DNAJC2: variants seen among roughly 807,000 people sequenced by gnomAD.
DNAJC2 encodes dnaJ homolog subfamily C member 2.
DNAJC2 carries 32 observed loss-of-function variants against 94.0 expected under a neutral mutation model. That is an observed-to-expected ratio of 0.34 (90% CI 0.26 to 0.46). DNAJC2 has a LOEUF of 0.46. Ranked by LOEUF, DNAJC2 falls within the 20% of genes least tolerant of loss-of-function variation. The pLI is 1.00. For synonymous variants in DNAJC2, 210 were observed against 229.7 expected (o/e 0.91, Z 0.77); for missense variants, 550 against 719.5 (o/e 0.76, Z 2.69).
At chr7:103,331,223 G>A (rs1430525899) in intron 3 of DNAJC2, among the ~76,000 whole-genome samples, 3 of 152,206 alleles carry the variant, frequency 2.0e-5, no homozygotes, top group Non-Finnish European at 2.9e-5. Flanking sequence ...CTCCCAAAGC[G>A]CTGGGATTAC....
chr7:103,326,135 C>T (rs1341688735), intron 5 of DNAJC2, among the ~76,000 whole-genome samples: 3 of 151,932 alleles, frequency 2.0e-5, no homozygotes, highest in Admixed American at 6.6e-5. Flanking sequence ...TGCACCTCCA[C>T]GGCCAGCTAA....
rs557018963 is a variant in DNAJC2 at position 103,319,814 on chromosome 7, C to G, written c.1114G>C (p.Glu372Gln). 2 of 1,614,204 alleles carry G rather than the reference C, an allele frequency of 1.2e-6. No individual in the cohort carries two copies. Among genetic ancestry groups the G allele is most frequent in the South Asian group, 2.2e-5 (2 of 91,084 alleles). Residue 372 changes from glutamate to glutamine, a missense_variant, in exon 11 of 17, where the codon GAG becomes CAG. Transcript: ENST00000379263. The stretch of plus-strand genomic sequence containing the variant: ...ACTTCTTCCATCATTTTAACCCGCT[C>G]TGCCTCATTATCAGAAAAATGATTC... ...TWNHFSDNEA[E>Q]RVKMMEEVEK...
At chr7:103,316,193 G>A (rs773321475) in intron 13 of DNAJC2, 105 bp from the exon 14 acceptor site, 180 of 608,302 alleles carry the variant, frequency 3.0e-4, no homozygotes, top group Non-Finnish European at 4.2e-4. Flanking sequence ...AGTATGTACA[G>A]AATGAGCTCA....
chr7:103,337,837 C>A (rs1179775010), intron 2 of DNAJC2, 26 bp from the exon 3 acceptor site: 19 of 1,580,640 alleles, frequency 1.2e-5, no homozygotes, highest in Non-Finnish European at 1.6e-5. Flanking sequence ...AAAAGGGAGT[C>A]AAATTTGAAA....
intron 1 of DNAJC2, among the ~76,000 whole-genome samples, chr7:103,343,562 C>T (rs1015674036): frequency 6.6e-6 from 1 of 152,194 alleles, no homozygotes; most frequent in African/African-American, 2.4e-5. Context: ...TTATCTCATT[C>T]AGTTCCTAGG....
rs188631946 is a variant in DNAJC2 at position 103,337,855 on chromosome 7, A to G, written c.256-44T>C. 96 of 1,399,866 alleles carry G rather than the reference A, an allele frequency of 6.9e-5. No homozygotes were observed. In the East Asian group the frequency reaches 2.1e-3, roughly 31 times the overall value. 86.7% of individuals were successfully genotyped at this position (1,399,866 alleles called of 1,614,324 possible). A position where few individuals can be genotyped will look rare whatever the true frequency, so the allele number is the denominator to read the frequency against. ...AGGGAGTCAAATTTGAAATGAAGCCAATATATTCCATCCCTTGTGTTCTGG... is the reference window on the plus strand; with the variant it reads ...AGGGAGTCAAATTTGAAATGAAGCCGATATATTCCATCCCTTGTGTTCTGG... On this transcript the variant is annotated intron_variant, in intron 2 of 16. Transcript: ENST00000379263.
At chr7:103,314,007 T>C (rs561765830) in intron 15 of DNAJC2, 2 of 985,364 alleles carry the variant, frequency 2.0e-6, no homozygotes, top group East Asian at 1.1e-4. Flanking sequence ...CCAAAGTTCC[T>C]TCCCAATTAA....
Position 103,317,020 on chromosome 7 carries a change from C to A in DNAJC2, c.1243-6G>T, listed in dbSNP as rs1211600179. 4 of 1,611,084 alleles carry A rather than the reference C, an allele frequency of 2.5e-6. No homozygotes were observed. The South Asian group carries it at 4.4e-5, about 18-fold the overall frequency. On this transcript the variant is annotated splice_polypyrimidine_tract_variant and splice_region_variant and intron_variant, in intron 12 of 16. Coordinates refer to ENST00000379263, the MANE Select transcript of DNAJC2 (RefSeq NM_014377.3). ...TGCTCATTTATTTCTTCTATCTGCACAAATATCATAAGTCAGGGACTTAGA... is the reference window on the plus strand; with the variant it reads ...TGCTCATTTATTTCTTCTATCTGCAAAAATATCATAAGTCAGGGACTTAGA...
In DNAJC2 at chr7:103,323,637, A is replaced by T. The variant is rs1302120393; in HGVS notation, c.680T>A (p.Phe227Tyr). 6.9e-7 allele frequency: 1 copy of T among 1,456,302 alleles called. No homozygotes were observed. The highest frequency in any genetic ancestry group is 9.4e-7 in the Non-Finnish European group (1 of 1,067,134). 90.2% of individuals were successfully genotyped at this position (1,456,302 alleles called of 1,614,324 possible). The change falls in exon 7 of 17, where the codon TTT (phenylalanine) becomes TAT (tyrosine). Residue 227 changes from phenylalanine (F) to tyrosine (Y), a missense_variant. Physicochemically the swap from Phe to Tyr is conservative, Grantham distance 22 (BLOSUM62 3). Around this residue, in one of 2 missense-constraint regions of DNAJC2, gnomAD observed 279 missense variants for 416.9 expected, o/e 0.67. Transcript: ENST00000379263. ...TTTTTCTTCTTCATCTAAATAAGAA[A>T]ATTCTCTCCAAGAATCAAAATTATA... The part of the protein sequence containing the change: ...FWYNFDSWRE[F>Y]SYLDEEEKEK...
intron 5 of DNAJC2, 34 bp from the exon 6 acceptor site, chr7:103,324,596 T>G: frequency 7.1e-7 from 1 of 1,409,650 alleles, no homozygotes. Context: ...TTACAATTCT[T>G]CAAAAATTAT....
chr7:103,330,513 C>T (rs1258981458), intron 3 of DNAJC2, among the ~76,000 whole-genome samples: 1 of 152,106 alleles, frequency 6.6e-6, no homozygotes, highest in Non-Finnish European at 1.5e-5. Context: ...AGTGCAGTGG[C>T]ACAGTCTCAG....
At chr7:103,343,278 G>A (rs1438783413) in intron 1 of DNAJC2, among the ~76,000 whole-genome samples, 1 of 152,176 alleles carries the variant, frequency 6.6e-6, no homozygotes, top group Non-Finnish European at 1.5e-5. Context: ...TGGGATTATA[G>A]ACGTGAGCCA....
At position 103,322,619 on chromosome 7, in the gene DNAJC2, G is replaced by A; in HGVS notation, c.825C>T (p.Ser275=). The change falls in exon 9 of 17, where the codon AGC becomes AGT. Residue 275 remains serine, a synonymous_variant. Coordinates refer to ENST00000379263, the MANE Select transcript of DNAJC2 (RefSeq NM_014377.3). ...TGAACTTTTTTATCCTTGGATCACAGCTGTATGCATTGTCTAGCAAAAGAA... is the reference window on the plus strand; with the variant it reads ...TGAACTTTTTTATCCTTGGATCACAACTGTATGCATTGTCTAGCAAAAGAA... The part of the protein sequence containing the change: ...RIRTLVDNAY[S]CDPRIKKFKE... The A allele has an allele frequency of 6.2e-7, 1 of 1,612,968 alleles. No homozygotes were observed. Among genetic ancestry groups the A allele is most frequent in the Non-Finnish European group, 8.5e-7 (1 of 1,179,686 alleles).
chr7:103,314,454 T>C (rs1441971962), intron 15 of DNAJC2: 2 of 985,182 alleles, frequency 2.0e-6, no homozygotes, highest in Non-Finnish European at 2.4e-6. Flanking sequence ...CTTCACAGGG[T>C]CACCTCTCCT....
Position 103,312,496 on chromosome 7 carries a change from G to A in DNAJC2, c.*73C>T. On this transcript the variant is annotated 3_prime_UTR_variant, in exon 17 of 17. Transcript: ENST00000379263. ...GCATACTTTCAAATTATTACCATGA[G>A]TATAATTTTAAGAATGAAAATGTTT... The A allele has an allele frequency of 8.3e-6, 13 of 1,574,426 alleles. No individual in the cohort carries two copies. The highest frequency in any genetic ancestry group is 1.1e-5 in the Non-Finnish European group (13 of 1,163,574).
intron 3 of DNAJC2, among the ~76,000 whole-genome samples, chr7:103,333,638 C>T (rs1434993123): frequency 6.6e-6 from 1 of 152,142 alleles, no homozygotes; most frequent in African/African-American, 2.4e-5. Context: ...CCAAAAAGTT[C>T]CCTTGTACCC....
At chr7:103,315,909 C>T (rs1033877343) in intron 14 of DNAJC2, 38 bp from the exon 15 acceptor site, 2 of 1,540,204 alleles carry the variant, frequency 1.3e-6, no homozygotes, top group Non-Finnish European at 8.9e-7. Context: ...AACAGATCAT[C>T]ATTTAATCTT....
chr7:103,333,648 C>G (rs1819056465), intron 3 of DNAJC2, among the ~76,000 whole-genome samples: 1 of 152,144 alleles, frequency 6.6e-6, no homozygotes, highest in African/African-American at 2.4e-5. Flanking sequence ...CCCTTGTACC[C>G]TTTTCCACTG....
intron 1 of DNAJC2, chr7:103,344,243 A>C (rs1172794674): frequency 5.3e-6 from 2 of 380,696 alleles, no homozygotes; most frequent in Non-Finnish European, 9.5e-6. Flanking sequence ...ACCGTAGGCA[A>C]GGAGATGCTT....
Sources: gnomAD v4.1 joint callset for allele counts (sites outside exome capture counted in the v4.1 genomes callset) on GRCh38, gnomAD v4.1.1 for gene constraint, gnomAD v4.1.1 regional missense constraint, MANE v1.5 for transcripts, NCBI Gene and HGNC (gene_info 2026-07-23, HGNC 2026-07-21) for gene names.